Variants in EML6 observed in about 807,000 individuals in gnomAD.
EML6 encodes EMAP like 6.
A neutral mutation model predicts 240.1 loss-of-function variants in EML6; 154 were observed. The ratio of observed to expected loss-of-function variants is 0.64; its 90% confidence interval spans 0.56 to 0.73. EML6 has a LOEUF of 0.73. Ranked by LOEUF, EML6 falls within the 30% of genes least tolerant of loss-of-function variation. The probability of loss-of-function intolerance (pLI) is 0.00; values close to 1 mark genes in which losing one functional copy is unlikely to be tolerated. For missense variants in EML6, 2,964 were observed against 2,474.6 expected (o/e 1.20, Z -4.20); for synonymous variants, 1,148 against 899.0 (o/e 1.28, Z -4.95).
At chr2:54,851,028 T>G (rs975661244) in intron 10 of EML6, among the ~76,000 whole-genome samples, 1 of 152,194 alleles carries the variant, frequency 6.6e-6, no homozygotes, top group Non-Finnish European at 1.5e-5. Context: ...CATATACACA[T>G]GTAGTAAATG....
At chr2:54,878,803 A>G (rs909993193) in intron 16 of EML6, among the ~76,000 whole-genome samples, 1 of 152,226 alleles carries the variant, frequency 6.6e-6, no homozygotes, top group Admixed American at 6.5e-5. Flanking sequence ...TCATGATATA[A>G]TAGATGAAGA....
At chr2:54,829,084 T>A (rs186811738) in intron 6 of EML6, among the ~76,000 whole-genome samples, 2 of 152,352 alleles carry the variant, frequency 1.3e-5, no homozygotes, top group Admixed American at 1.3e-4. Context: ...TTTTTGAATT[T>A]TTTTAAACTG....
chr2:54,968,953 G>A (rs753735503), intron 41 of EML6, among the ~76,000 whole-genome samples, 185 bp downstream of exon 41: 11 of 152,236 alleles, frequency 7.2e-5, no homozygotes, highest in Non-Finnish European at 1.3e-4. Context: ...TTTACTCTTT[G>A]GTGACTGTCA....
chr2:54,964,525 C>A, intron 37 of EML6, 46 bp from the exon 38 acceptor site: 1 of 1,541,216 alleles, frequency 6.5e-7, no homozygotes. Flanking sequence ...TGACCAGCCC[C>A]AAACAGCCCT....
chr2:54,755,501 C>T lies in EML6; in HGVS notation c.197+30243C>T, dbSNP rs200832834. ...TTCCAATCCATGAAAATGATATATCCCTCTACTTTGTTCTCTTAGTAATGG... is the reference window on the plus strand; with the variant it reads ...TTCCAATCCATGAAAATGATATATCTCTCTACTTTGTTCTCTTAGTAATGG... On this transcript the variant is annotated intron_variant, in intron 2 of 41. Coordinates refer to ENST00000356458, the MANE Select transcript of EML6 (RefSeq NM_001039753.4). 2.6e-5 allele frequency among the ~76,000 whole-genome samples: 4 copies of T among 151,966 alleles called. No homozygotes were observed. The East Asian group carries it at 7.7e-4, about 29-fold the overall frequency.
chr2:54,829,507 T>G, intron 7 of EML6, 30 bp downstream of exon 7: 1 of 1,515,022 alleles, frequency 6.6e-7, no homozygotes, highest in Middle Eastern at 1.7e-4. Flanking sequence ...TACCTGTAAC[T>G]CTGGATGTGA....
chr2:54,789,694 T>C (rs932045759), intron 2 of EML6, among the ~76,000 whole-genome samples: 1 of 152,118 alleles, frequency 6.6e-6, no homozygotes, highest in Admixed American at 6.5e-5. Flanking sequence ...CTACCTTATT[T>C]AATTATATCC....
At chr2:54,752,041 A>G (rs1408932181) in intron 2 of EML6, among the ~76,000 whole-genome samples, 2 of 152,184 alleles carry the variant, frequency 1.3e-5, no homozygotes, top group Admixed American at 1.3e-4. Context: ...TCCCACCTTA[A>G]GGATGAGTGC....
Position 54,725,226 on chromosome 2 carries a change from A to C in EML6, c.165A>C (p.Lys55Asn). 1 of 1,496,266 alleles carries C rather than the reference A, an allele frequency of 6.7e-7. No individual in the cohort carries two copies. Among genetic ancestry groups the C allele is most frequent in the East Asian group, 2.8e-5 (1 of 35,130 alleles). The allele number at this position is 1,496,266 out of a possible 1,614,324, so 92.7% of individuals were successfully genotyped here. A position where few individuals can be genotyped will look rare whatever the true frequency, so the allele number is the denominator to read the frequency against. ...VVYNTREHSQ[K>N]FFLGHNDDII... ...ACAACACCCGCGAGCACAGCCAAAA[A>C]TTCTTCCTGGGACACAACGACGACA... The change falls in exon 2 of 42, where the codon AAA becomes AAC. Residue 55 changes from lysine (K) to asparagine (N), a missense_variant. By Grantham distance (94) the Lys-to-Asn change is moderately conservative. Transcript: ENST00000356458. The surrounding 1 kb of genome is among the most constrained non-coding windows in gnomAD (Gnocchi z 4.3).
rs988949637 is a variant in EML6, at chr2:54,855,948, T to C, written c.1657+2093T>C. Among the ~76,000 whole-genome samples, 7 of 152,284 alleles carry C rather than the reference T, an allele frequency of 4.6e-5. No homozygotes were observed. The South Asian group carries it at 6.2e-4, about 14-fold the overall frequency. The stretch of plus-strand genomic sequence containing the variant: ...TTTTGAACCTGTAAACAGCCAGATA[T>C]GGGCAGGTGCTGATGACCATGAGCA... On this transcript the variant is annotated intron_variant, in intron 11 of 41. Transcript: ENST00000356458.
At chr2:54,914,654 C>A (rs1348911513) in intron 25 of EML6, among the ~76,000 whole-genome samples, 1 of 152,162 alleles carries the variant, frequency 6.6e-6, no homozygotes, top group African/African-American at 2.4e-5. Context: ...CCAACTGATG[C>A]TTTCTTGGCC....
At chr2:54,800,612 T>C (rs1328429366) in intron 2 of EML6, among the ~76,000 whole-genome samples, 1 of 152,080 alleles carries the variant, frequency 6.6e-6, no homozygotes, top group African/African-American at 2.4e-5. Context: ...GTGAATGCAC[T>C]CAAGAGGGCA....
intron 25 of EML6, among the ~76,000 whole-genome samples, chr2:54,916,446 C>G (rs1370966582): frequency 1.3e-5 from 2 of 152,246 alleles, no homozygotes; most frequent in East Asian, 3.9e-4. Flanking sequence ...GAATCTGGAT[C>G]CAGCTTATGG....
At position 54,857,094 on chromosome 2, in the gene EML6, T is replaced by A. The variant is rs549314893; in HGVS notation, c.1658-2440T>A. 5.9e-5 allele frequency among the ~76,000 whole-genome samples: 9 copies of A among 152,230 alleles called. No homozygotes were observed. The South Asian group carries it at 1.7e-3, about 28-fold the overall frequency. Reference sequence around the variant, plus strand: ...TGAATAGTGGCAGCATTTACAGAGCTGGGAAAATGAGAAAAAAGATATTTG... The same window carrying A: ...TGAATAGTGGCAGCATTTACAGAGCAGGGAAAATGAGAAAAAAGATATTTG... On this transcript the variant is annotated intron_variant, in intron 11 of 41. Coordinates refer to ENST00000356458, the MANE Select transcript of EML6 (RefSeq NM_001039753.4).
intron 13 of EML6, among the ~76,000 whole-genome samples, chr2:54,864,389 A>G (rs1253037203): frequency 6.6e-6 from 1 of 152,230 alleles, no homozygotes; most frequent in African/African-American, 2.4e-5. Context: ...AATGTGTATT[A>G]ATCTCTCCAG....
chr2:54,787,685 A>G lies in EML6; in HGVS notation c.198-25547A>G, dbSNP rs752975840. Among the ~76,000 whole-genome samples the G allele has an allele frequency of 1.1e-3, 164 of 152,314 alleles. No individual in the cohort carries two copies. In the Middle Eastern group the frequency reaches 0.014, roughly 13 times the overall value. On this transcript the variant is annotated intron_variant, in intron 2 of 41. Transcript: ENST00000356458. ...AAGTGGAGCATTTTGCTCATGGGGA[A>G]CTTGGGAGTCGTGTCTGGAGATGTC... is the stretch of plus-strand genomic sequence containing the variant.
At chr2:54,947,176 C>T (rs1029996965) in intron 28 of EML6, among the ~76,000 whole-genome samples, 2 of 152,056 alleles carry the variant, frequency 1.3e-5, no homozygotes, top group African/African-American at 2.4e-5. Context: ...TACACTTAAA[C>T]GTTCTTAGGT....
At position 54,774,399 on chromosome 2, in the gene EML6, G is replaced by C. The variant is rs1265721757; in HGVS notation, c.198-38833G>C. Among the ~76,000 whole-genome samples the C allele has an allele frequency of 6.6e-6, 1 of 152,122 alleles. No homozygotes were observed. ...CATTATGGGAAGAAGGGTGACTGTG[G>C]GTGAGGGAGCCGTTGGAAGTTGAGG... On this transcript the variant is annotated intron_variant, in intron 2 of 41. Transcript: ENST00000356458. This position sits in a 1 kb window ranked among gnomAD's most constrained non-coding sequence, Gnocchi z 4.1.
intron 28 of EML6, among the ~76,000 whole-genome samples, chr2:54,941,379 T>G (rs1573187557): frequency 6.6e-6 from 1 of 152,322 alleles, no homozygotes. Flanking sequence ...TGAGGCATGA[T>G]GAGCATGGTG....
Sources: allele counts gnomAD v4.1 joint callset (sites outside exome capture counted in the v4.1 genomes callset), GRCh38; gene constraint gnomAD v4.1.1; non-coding constraint Gnocchi (gnomAD v3.1); transcripts MANE v1.5; gene names NCBI Gene and HGNC (gene_info 2026-07-23, HGNC 2026-07-21).